DLG1: variants seen among roughly 807,000 people sequenced by gnomAD.
DLG1 encodes the protein disks large homolog 1.
A neutral mutation model predicts 123.4 loss-of-function variants in DLG1; 42 were observed. That is an observed-to-expected ratio of 0.34 (90% CI 0.27 to 0.44). The LOEUF is 0.44. Ranked by LOEUF, DLG1 falls within the 20% of genes least tolerant of loss-of-function variation. The pLI, the probability that DLG1 is intolerant of heterozygous loss-of-function variation, is 1.00. For synonymous variants in DLG1, 317 were observed against 356.2 expected (o/e 0.89, Z 1.24); for missense variants, 942 against 1,082.6 (o/e 0.87, Z 1.82).
At chr3:197,111,453 T>C (rs901458151) in intron 13 of DLG1, among the ~76,000 whole-genome samples, 1 of 152,252 alleles carries the variant, frequency 6.6e-6, no homozygotes, top group Non-Finnish European at 1.5e-5. Flanking sequence ...GCTAATTTTA[T>C]TTCCCTAAAT....
chr3:197,086,265 CAAT>C (rs913489442), intron 15 of DLG1, among the ~76,000 whole-genome samples: 2 of 152,056 alleles, frequency 1.3e-5, no homozygotes, highest in Non-Finnish European at 2.9e-5. Flanking sequence ...GAGTCAGTAA[CAAT>C]GATGGACACT....
intron 17 of DLG1, among the ~76,000 whole-genome samples, chr3:197,079,898 G>A (rs1749770110): frequency 6.6e-6 from 1 of 152,068 alleles, no homozygotes; most frequent in Non-Finnish European, 1.5e-5. Flanking sequence ...AAGTCTGAGT[G>A]CTTAGTGATA....
chr3:197,214,645 G>C (rs1733108744), intron 4 of DLG1, among the ~76,000 whole-genome samples: 1 of 152,112 alleles, frequency 6.6e-6, no homozygotes, highest in Non-Finnish European at 1.5e-5. Context: ...AAACTTTTGT[G>C]TCACCAACTT....
At position 197,297,191 on chromosome 3, in the gene DLG1, T is replaced by C. The variant is rs1777856522; in HGVS notation, c.14A>G (p.Lys5Arg). The C allele has an allele frequency of 6.2e-7, 1 of 1,614,116 alleles. No homozygotes were observed. The highest frequency in any genetic ancestry group is 1.3e-5 in the African/African-American group (1 of 75,024). The change falls in exon 2 of 25, where the codon AAG becomes AGG. Residue 5 changes from lysine to arginine, a missense_variant. Lys to Arg is a conservative substitution (Grantham distance 26, BLOSUM62 2). Coordinates refer to ENST00000667157, the MANE Select transcript of DLG1 (RefSeq NM_001366207.1). ...GTTACGGAATAAACTCTCACCTTGCTTCCGGACCGGCATTTTTCTCCAGAA... is the reference window on the plus strand; with the variant it reads ...GTTACGGAATAAACTCTCACCTTGCCTCCGGACCGGCATTTTTCTCCAGAA... MPVR[K>R]QDTQRALHLL...
chr3:197,066,439 G>T (rs1174277787), intron 20 of DLG1, among the ~76,000 whole-genome samples: 2 of 152,090 alleles, frequency 1.3e-5, no homozygotes, highest in African/African-American at 2.4e-5. Flanking sequence ...AGGGTTATTT[G>T]GAAGATAGTG....
intron 3 of DLG1, among the ~76,000 whole-genome samples, chr3:197,284,691 A>T (rs1770969509): frequency 6.6e-6 from 1 of 152,220 alleles, no homozygotes; most frequent in Non-Finnish European, 1.5e-5. Flanking sequence ...ATAATGATAC[A>T]CTACAGCAAG....
chr3:197,120,273 G>GAAAAAAAAAAAAAAA (rs3050713), intron 11 of DLG1, among the ~76,000 whole-genome samples: 4 of 127,600 alleles, frequency 3.1e-5, no homozygotes, highest in Non-Finnish European at 3.3e-5. Context: ...TCTCGAGAAA[G>GAAAAAAAAAAAAAAA]AAAAAAAAAA....
chr3:197,080,741 C>T (rs755897998), intron 17 of DLG1: 16 of 195,570 alleles, frequency 8.2e-5, no homozygotes, highest in East Asian at 1.5e-4. Flanking sequence ...GGATTACAGG[C>T]GTGAGCCACC....
rs780868561 is a variant in DLG1 at position 197,042,586 on chromosome 3, TAATA to T, written c.*2033_*2036del. The T allele has an allele frequency of 5.3e-5, 8 of 152,366 alleles. No individual in the cohort carries two copies. The highest frequency in any genetic ancestry group is 2.0e-4 in the Admixed American group (3 of 15,296). The allele number at this position is 152,366 out of a possible 1,614,324, so 9.4% of individuals were successfully genotyped here. On this transcript the variant is annotated 3_prime_UTR_variant, in exon 25 of 25. Transcript: ENST00000667157. Reference sequence around the variant, plus strand: ...CCAGAAAACAATGTTATGTAAATTTTAATATATAAATGGCATCCTTTTATAACCA... The same window carrying T: ...CCAGAAAACAATGTTATGTAAATTTTTATAAATGGCATCCTTTTATAACCA...
At chr3:197,277,666 T>C (rs1767152085) in intron 4 of DLG1, among the ~76,000 whole-genome samples, 1 of 151,802 alleles carries the variant, frequency 6.6e-6, no homozygotes, top group African/African-American at 2.4e-5. Context: ...TCATCTATCC[T>C]TCCTTATAAA....
At chr3:197,085,420 T>A in intron 16 of DLG1, 160 bp downstream of exon 16, 2 of 698,072 alleles carry the variant, frequency 2.9e-6, no homozygotes, top group South Asian at 3.6e-5. Flanking sequence ...AGATTTCACA[T>A]AAAAATGTGA....
chr3:197,140,329 T>C, intron 7 of DLG1, 65 bp from the exon 8 acceptor site: 5 of 1,528,466 alleles, frequency 3.3e-6, no homozygotes, highest in Non-Finnish European at 4.5e-6. Context: ...GTTCCTGTCA[T>C]TAAAGGACGC....
chr3:197,185,212 G>A (rs1050343322), intron 5 of DLG1, among the ~76,000 whole-genome samples: 6 of 152,126 alleles, frequency 3.9e-5, no homozygotes, highest in African/African-American at 9.7e-5. Context: ...ATATTTTTTC[G>A]GATGTGGACT....
intron 18 of DLG1, among the ~76,000 whole-genome samples, chr3:197,074,807 T>C (rs1033835697): frequency 6.6e-6 from 1 of 152,070 alleles, no homozygotes; most frequent in Non-Finnish European, 1.5e-5. Flanking sequence ...TAAAAGTACC[T>C]GCAGTTTAGA....
chr3:197,136,906 A>G (rs1785309840), intron 9 of DLG1, among the ~76,000 whole-genome samples: 3 of 152,234 alleles, frequency 2.0e-5, no homozygotes, highest in African/African-American at 7.2e-5. Flanking sequence ...GTTCCTTCTT[A>G]GTATCTTTTC....
intron 23 of DLG1, among the ~76,000 whole-genome samples, chr3:197,054,627 GTATCTTTTTCATCTTTTTTTTCCTT>G (rs1730397356): frequency 6.6e-6 from 1 of 151,878 alleles, no homozygotes; most frequent in Non-Finnish European, 1.5e-5. Flanking sequence ...TTTTGTTCAT[GTATCTTTTTCATCTTTTTTTTCCTT>G]TATCTTTTTG....
intron 14 of DLG1, among the ~76,000 whole-genome samples, chr3:197,094,860 C>T (rs977234593): frequency 6.6e-6 from 1 of 152,146 alleles, no homozygotes; most frequent in Non-Finnish European, 1.5e-5. Flanking sequence ...CTGAGAACAA[C>T]GGAATTTTCT....
rs111544459 is a variant in DLG1 at position 197,286,501 on chromosome 3, G to A, written c.152-3656C>T. Reference sequence around the variant, plus strand: ...AATGTAACGCCGCTACTGACCTGACGGGAGGCAGAGCTCAGGTGGCAATCG... The same window carrying A: ...AATGTAACGCCGCTACTGACCTGACAGGAGGCAGAGCTCAGGTGGCAATCG... On this transcript the variant is annotated intron_variant, in intron 3 of 24. Transcript: ENST00000667157. Among the ~76,000 whole-genome samples, 1,165 of 152,266 alleles carry A rather than the reference G, an allele frequency of 7.7e-3. 11 individuals carry two copies. The highest frequency in any genetic ancestry group is 0.025 in the African/African-American group (1,049 of 41,540).
chr3:197,076,591 G>A lies in DLG1; in HGVS notation c.2000C>T (p.Ala667Val). The A allele has an allele frequency of 6.2e-7, 1 of 1,610,192 alleles. No homozygotes were observed. The highest frequency in any genetic ancestry group is 8.5e-7 in the Non-Finnish European group (1 of 1,177,278). ...CACTGGATCCACATACTTACGGTCA[G>A]CATCACTTGTTTCCTGCTCACTCTG... ...KDQSEQETSD[A>V]DQHVTSNASD... is the part of the protein sequence containing the mutation. Residue 667 changes from alanine (A) to valine (V), a missense_variant, in exon 18 of 25, where the codon GCT (alanine) becomes GTT (valine). By Grantham distance (64) the Ala-to-Val change is moderately conservative. Coordinates refer to ENST00000667157, the MANE Select transcript of DLG1 (RefSeq NM_001366207.1).
Sources: allele counts gnomAD v4.1 joint callset (sites outside exome capture counted in the v4.1 genomes callset), GRCh38; gene constraint gnomAD v4.1.1; transcripts MANE v1.5; gene names NCBI Gene and HGNC (gene_info 2026-07-23, HGNC 2026-07-21).